Variants in SNRNP70 observed in about 807,000 individuals in gnomAD.
The protein encoded by SNRNP70 is small nuclear ribonucleoprotein U1 subunit 70, also known as U1 small nuclear ribonucleoprotein 70 kDa.
In SNRNP70, 8 loss-of-function variants were observed where a neutral mutation model predicts 50.5. The ratio of observed to expected loss-of-function variants is 0.16; its 90% confidence interval spans 0.09 to 0.29. The LOEUF (loss-of-function observed/expected upper bound fraction) is 0.29. Ranked by LOEUF, SNRNP70 falls within the 10% of genes least tolerant of loss-of-function variation. SNRNP70 has a pLI of 1.00. For missense variants in SNRNP70, 529 were observed against 663.5 expected, an observed-to-expected ratio of 0.80 and a Z score of 2.23; for synonymous variants, 320 against 252.9, an observed-to-expected ratio of 1.27 and a Z score of -2.52.
rs756046627 is a variant in SNRNP70, at chr19:49,101,488, G to A, written c.475+17G>A. 1.0e-5 allele frequency: 16 copies of A among 1,595,866 alleles called. No individual in the cohort carries two copies. The highest frequency in any genetic ancestry group is 9.9e-5 in the South Asian group (9 of 90,770). On this transcript the variant is annotated intron_variant, in intron 7 of 9. Coordinates refer to ENST00000598441, the MANE Select transcript of SNRNP70 (RefSeq NM_003089.6). ...ACATGCACTGTGAGTACCTCCCGCC[G>A]AGCCCTGCCCTCTGACCTGCTCTCA...
intron 4 of SNRNP70, among the ~76,000 whole-genome samples, chr19:49,091,229 C>T (rs532733293): frequency 1.9e-4 from 29 of 150,900 alleles, no homozygotes; most frequent in Non-Finnish European, 1.5e-4. Context: ...ATTAGCTGGG[C>T]GTGGTGGCGA....
At chr19:49,085,886 GTCCTGGA>G (rs778996545) in intron 1 of SNRNP70, among the ~76,000 whole-genome samples, 8 of 152,178 alleles carry the variant, frequency 5.3e-5, no homozygotes, top group Non-Finnish European at 1.0e-4. Context: ...TGTCTATGTT[GTCCTGGA>G]CCCTTACCCA....
Position 49,108,192 on chromosome 19 carries a change from C to A in SNRNP70, c.1063C>A (p.Arg355=), listed in dbSNP as rs1216515024. 1 of 1,534,058 alleles carries A rather than the reference C, an allele frequency of 6.5e-7. No individual in the cohort carries two copies. Among genetic ancestry groups the A allele is most frequent in the East Asian group, 2.4e-5 (1 of 40,834 alleles). The stretch of plus-strand genomic sequence containing the variant: ...GGGCCGGGATCGTGACCGGGAGCGA[C>A]GGCGGAGCCACCGGAGCGAGCGCGA... ...EKGRDRDRER[R]RSHRSERERR... Residue 355 remains arginine, a synonymous_variant, in exon 10 of 10, where the codon CGG becomes AGG. Transcript: ENST00000598441.
chr19:49,108,274 A>G lies in SNRNP70; in HGVS notation c.1145A>G (p.Glu382Gly), dbSNP rs970392079. ...CGTGACCGCGAGCACAAACGGGGGG[A>G]GCGGGGCAGTGAGCGGGGCAGGGAT... ...RDRDREHKRGERGSERGRDEA... is the reference protein window; with the variant it reads ...RDRDREHKRGGRGSERGRDEA... The change falls in exon 10 of 10, where the codon GAG (glutamate) becomes GGG (glycine). Residue 382 changes from glutamate (E) to glycine (G), a missense_variant. By Grantham distance (98) the Glu-to-Gly change is moderately conservative. Coordinates refer to ENST00000598441, the MANE Select transcript of SNRNP70 (RefSeq NM_003089.6). The G allele has an allele frequency of 1.4e-5, 22 of 1,555,984 alleles. No individual in the cohort carries two copies. The highest frequency in any genetic ancestry group is 1.7e-5 in the Non-Finnish European group (20 of 1,151,230).
intron 2 of SNRNP70, among the ~76,000 whole-genome samples, chr19:49,087,213 A>G (rs1457507312): frequency 6.7e-6 from 1 of 149,894 alleles, no homozygotes; most frequent in Non-Finnish European, 1.5e-5. Flanking sequence ...GGTTGATAGT[A>G]CACCTTTTGT....
chr19:49,102,239 G>A, intron 7 of SNRNP70: 1 of 1,230,086 alleles, frequency 8.1e-7, no homozygotes, highest in Non-Finnish European at 1.1e-6. Context: ...AGCTTAGCCA[G>A]GCAGCTCAGG....
intron 4 of SNRNP70, among the ~76,000 whole-genome samples, chr19:49,097,078 C>T (rs1039436551): frequency 2.0e-5 from 3 of 151,612 alleles, no homozygotes; most frequent in East Asian, 1.9e-4. Flanking sequence ...TGCAGTGAGA[C>T]GAGATTGCGC....
At chr19:49,105,513 G>A (rs190854260) in intron 8 of SNRNP70, among the ~76,000 whole-genome samples, 4 of 152,106 alleles carry the variant, frequency 2.6e-5, no homozygotes, top group East Asian at 3.9e-4. Context: ...TGGATCATGA[G>A]GTCAGGAGTT....
At position 49,108,222 on chromosome 19, in the gene SNRNP70, C is replaced by T; in HGVS notation, c.1093C>T (p.Arg365Cys). 2 of 1,532,078 alleles carry T rather than the reference C, an allele frequency of 1.3e-6. No homozygotes were observed. Among genetic ancestry groups the T allele is most frequent in the South Asian group, 1.2e-5 (1 of 81,426 alleles). 94.9% of individuals were successfully genotyped at this position (1,532,078 alleles called of 1,614,324 possible). ...RRSHRSERER[R>C]RDRDRDRDRD... ...GAGCCACCGGAGCGAGCGCGAGCGG[C>T]GCCGGGACCGGGATCGTGACCGTGA... The change falls in exon 10 of 10, where the codon CGC becomes TGC. Residue 365 changes from arginine to cysteine, a missense_variant. Transcript: ENST00000598441.
chr19:49,094,610 C>CCTCTA lies in SNRNP70; in HGVS notation c.266-3817_266-3816insCTCTA. Among the ~76,000 whole-genome samples the CCTCTA allele has an allele frequency of 1.3e-5, 2 of 152,216 alleles. 1 individual carries two copies. The highest frequency in any genetic ancestry group is 1.3e-4 in the Admixed American group (2 of 15,286). On this transcript the variant is annotated intron_variant, in intron 4 of 9. Coordinates refer to ENST00000598441, the MANE Select transcript of SNRNP70 (RefSeq NM_003089.6). ...TATACTGCTCTGCCTCCATTAAATGCTTGAACTTCTCCATAATAGAAAAGA... is the reference window on the plus strand; with the variant it reads ...TATACTGCTCTGCCTCCATTAAATGCCTCTATTGAACTTCTCCATAATAGAAAAGA...
rs977822045 is a variant in SNRNP70, at chr19:49,108,043, G to A, written c.914G>A (p.Arg305His). ...SRERARRERERKEELRGGGGD... is the reference protein window; with the variant it reads ...SRERARREREHKEELRGGGGD... ...GAGCGGGCCCGGCGGGAGCGGGAGC[G>A]CAAGGAGGAGCTGCGTGGCGGCGGT... Residue 305 changes from arginine (R) to histidine (H), a missense_variant, in exon 10 of 10, where the codon CGC becomes CAC. Arg to His is a conservative substitution (Grantham distance 29). This residue lies in a region of SNRNP70 where 327 missense variants were observed against 308.8 expected (regional missense o/e 1.06). Coordinates refer to ENST00000598441, the MANE Select transcript of SNRNP70 (RefSeq NM_003089.6). 5.8e-6 allele frequency: 9 copies of A among 1,549,362 alleles called. No homozygotes were observed. Among genetic ancestry groups the A allele is most frequent in the East Asian group, 4.8e-5 (2 of 41,472 alleles).
intron 4 of SNRNP70, among the ~76,000 whole-genome samples, chr19:49,093,226 A>G (rs1361936285): frequency 1.3e-4 from 20 of 151,752 alleles, no homozygotes; most frequent in Non-Finnish European, 2.1e-4. Context: ...AGTAGCTGGG[A>G]TTACAGGCAT....
rs1211386874 is a variant in SNRNP70, at chr19:49,085,645, G to C, written c.-11+9G>C. On this transcript the variant is annotated intron_variant, in intron 1 of 9. Coordinates refer to ENST00000598441, the MANE Select transcript of SNRNP70 (RefSeq NM_003089.6). ...GAGGAGGGCGCTACGCGGTGAGTGA[G>C]TGTGACTGAGTGGCCCGACGGGGTG... 1 of 455,868 alleles carries C rather than the reference G, an allele frequency of 2.2e-6. No homozygotes were observed. The highest frequency in any genetic ancestry group is 4.4e-6 in the Non-Finnish European group (1 of 226,756). The allele number at this position is 455,868 out of a possible 1,614,324, so 28.2% of individuals were successfully genotyped here.
At chr19:49,098,525 C>A in intron 5 of SNRNP70, 34 bp downstream of exon 5, 1 of 1,601,394 alleles carries the variant, frequency 6.2e-7, no homozygotes, top group Non-Finnish European at 8.6e-7. Flanking sequence ...TGGAACCCCA[C>A]GCTGCTGAGA....
intron 4 of SNRNP70, among the ~76,000 whole-genome samples, chr19:49,095,739 GTCT>G (rs1457851974): frequency 5.9e-5 from 9 of 151,958 alleles, no homozygotes; most frequent in Non-Finnish European, 1.0e-4. Context: ...GATCAGGCTG[GTCT>G]TCTTGAACTC....
intron 4 of SNRNP70, among the ~76,000 whole-genome samples, chr19:49,098,005 T>C (rs1372418254): frequency 6.6e-6 from 1 of 152,246 alleles, no homozygotes; most frequent in Admixed American, 6.5e-5. Context: ...GGTGGCAGTG[T>C]GGCCCTGCCT....
At chr19:49,093,961 T>C (rs1262503918) in intron 4 of SNRNP70, among the ~76,000 whole-genome samples, 1 of 151,678 alleles carries the variant, frequency 6.6e-6, no homozygotes, top group East Asian at 2.0e-4. Context: ...AGGCGGAGTT[T>C]GCAGTGAGCA....
In SNRNP70 at chr19:49,108,228, G is replaced by A; in HGVS notation, c.1099G>A (p.Asp367Asn). Residue 367 changes from aspartate (D) to asparagine (N), a missense_variant, in exon 10 of 10, where the codon GAC (aspartate) becomes AAC (asparagine). Asp to Asn is a conservative substitution (Grantham distance 23). This residue lies in a region of SNRNP70 where 327 missense variants were observed against 308.8 expected (regional missense o/e 1.06). Transcript: ENST00000598441. Reference protein sequence around the residue: ...SHRSERERRRDRDRDRDRDRE... With the variant: ...SHRSERERRRNRDRDRDRDRE... Reference sequence around the variant, plus strand: ...CCGGAGCGAGCGCGAGCGGCGCCGGGACCGGGATCGTGACCGTGACCGTGA... The same window carrying A: ...CCGGAGCGAGCGCGAGCGGCGCCGGAACCGGGATCGTGACCGTGACCGTGA... The A allele has an allele frequency of 2.6e-6, 4 of 1,538,404 alleles. No individual in the cohort carries two copies. Among genetic ancestry groups the A allele is most frequent in the Non-Finnish European group, 3.5e-6 (4 of 1,141,538 alleles).
intron 4 of SNRNP70, among the ~76,000 whole-genome samples, chr19:49,092,684 C>T (rs2040462237): frequency 6.6e-6 from 1 of 151,898 alleles, no homozygotes; most frequent in Non-Finnish European, 1.5e-5. Flanking sequence ...GCTGGGATTA[C>T]AGGCATGAGC....
Sources: allele counts gnomAD v4.1 joint callset (sites outside exome capture counted in the v4.1 genomes callset), GRCh38; gene constraint gnomAD v4.1.1; regional missense constraint gnomAD v4.1.1; transcripts MANE v1.5; gene names NCBI Gene and HGNC (gene_info 2026-07-23, HGNC 2026-07-21).